The following REC114 variants were observed in gnomAD, a reference collection of about 807,000 sequenced individuals.
REC114 encodes the protein meiotic recombination protein REC114.
Under a neutral mutation model 31.3 loss-of-function variants are expected in REC114, and 27 were observed. That is an observed-to-expected ratio of 0.86 (90% CI 0.64 to 1.19). REC114 has a LOEUF of 1.19. Ranked by LOEUF, REC114 falls within the 50% of genes most tolerant of loss-of-function variation. The probability of loss-of-function intolerance (pLI) is 0.00; values close to 1 mark genes in which losing one functional copy is unlikely to be tolerated. For missense variants in REC114, 344 were observed against 326.9 expected, an observed-to-expected ratio of 1.05 and a Z score of -0.40; for synonymous variants, 134 against 127.7, an observed-to-expected ratio of 1.05 and a Z score of -0.33.
chr15:73,473,889 C>T lies in REC114; in HGVS notation c.217C>T (p.His73Tyr). 4 of 1,585,472 alleles carry T rather than the reference C, an allele frequency of 2.5e-6. No homozygotes were observed. Among genetic ancestry groups the T allele is most frequent in the Non-Finnish European group, 3.4e-6 (4 of 1,163,016 alleles). The change falls in exon 2 of 6, where the codon CAT becomes TAT. Residue 73 changes from histidine to tyrosine, a missense_variant. Physicochemically the swap from His to Tyr is moderately conservative, Grantham distance 83. Transcript: ENST00000331090. Reference sequence around the variant, plus strand: ...TGTTCTCACCATAGTTATATCAGGTCATTTCTTCATTTTCCAAGGACAGAC... The same window carrying T: ...TGTTCTCACCATAGTTATATCAGGTTATTTCTTCATTTTCCAAGGACAGAC... The part of the protein sequence containing the change: ...YLVLTIVISG[H>Y]FFIFQGQTLL...
chr15:73,521,251 AAAC>A (rs1430358038), intron 2 of REC114, among the ~76,000 whole-genome samples: 2 of 152,214 alleles, frequency 1.3e-5, no homozygotes, highest in African/African-American at 4.8e-5. Context: ...AGATGAAACA[AAAC>A]AACAACTGAC....
intron 2 of REC114, among the ~76,000 whole-genome samples, chr15:73,515,143 G>A (rs1893840104): frequency 6.6e-6 from 1 of 151,990 alleles, no homozygotes; most frequent in African/African-American, 2.4e-5. Context: ...TGTTGCCCAG[G>A]CTAGTCTCAA....
intron 2 of REC114, among the ~76,000 whole-genome samples, chr15:73,509,591 T>C (rs1219085636): frequency 6.8e-6 from 1 of 146,346 alleles, no homozygotes; most frequent in East Asian, 2.0e-4. Context: ...CGTTTAAATC[T>C]TTAATCCATC....
intron 1 of REC114, among the ~76,000 whole-genome samples, chr15:73,448,988 A>G (rs1249313952): frequency 6.6e-6 from 1 of 152,166 alleles, no homozygotes; most frequent in African/African-American, 2.4e-5. Context: ...ACCCCACCCA[A>G]AGGTCACCAA....
At chr15:73,490,110 A>T (rs1893424057) in intron 2 of REC114, among the ~76,000 whole-genome samples, 2 of 152,196 alleles carry the variant, frequency 1.3e-5, no homozygotes, top group Admixed American at 1.3e-4. Context: ...AAAGAATTTC[A>T]CTAATAGCTT....
At chr15:73,479,888 C>T (rs925846636) in intron 2 of REC114, among the ~76,000 whole-genome samples, 4 of 152,134 alleles carry the variant, frequency 2.6e-5, no homozygotes, top group African/African-American at 9.7e-5. Flanking sequence ...AATAATGCTG[C>T]AGTGAATGTG....
At chr15:73,554,033 TCATTAC>T (rs1475846625) in intron 4 of REC114, among the ~76,000 whole-genome samples, 1 of 152,166 alleles carries the variant, frequency 6.6e-6, no homozygotes, top group East Asian at 1.9e-4. Context: ...ACAAAATCCA[TCATTAC>T]TATTATTGCC....
intron 2 of REC114, among the ~76,000 whole-genome samples, chr15:73,516,659 C>T (rs541286444): frequency 1.3e-5 from 2 of 152,106 alleles, no homozygotes. Flanking sequence ...AATTTTTATA[C>T]TCTTGTTACC....
intron 1 of REC114, among the ~76,000 whole-genome samples, chr15:73,467,890 ATCT>A (rs1343538185): frequency 6.6e-6 from 1 of 150,582 alleles, no homozygotes; most frequent in Non-Finnish European, 1.5e-5. Context: ...AGGCTCAAGA[ATCT>A]TTTTTTTTTT....
At position 73,445,034 on chromosome 15, in the gene REC114, G is replaced by A. The variant is rs541484172; in HGVS notation, c.159+1690G>A. On this transcript the variant is annotated intron_variant, in intron 1 of 5. Coordinates refer to ENST00000331090, the MANE Select transcript of REC114 (RefSeq NM_001042367.2). ...CTCAACAGTGGGCTTAAAATATTCAGTAAACCATGCTATAAACAAATGTGC... is the reference window on the plus strand; with the variant it reads ...CTCAACAGTGGGCTTAAAATATTCAATAAACCATGCTATAAACAAATGTGC... Among the ~76,000 whole-genome samples, 3 of 152,270 alleles carry A rather than the reference G, an allele frequency of 2.0e-5. No individual in the cohort carries two copies. In the South Asian group the frequency reaches 6.2e-4, roughly 32 times the overall value.
intron 2 of REC114, among the ~76,000 whole-genome samples, chr15:73,537,116 C>T (rs539219049): frequency 1.3e-5 from 2 of 152,266 alleles, no homozygotes; most frequent in East Asian, 3.9e-4. Flanking sequence ...GCGAGCAAAA[C>T]GAACTTAGCC....
At chr15:73,467,493 C>T (rs1057001161) in intron 1 of REC114, among the ~76,000 whole-genome samples, 2 of 152,154 alleles carry the variant, frequency 1.3e-5, no homozygotes, top group African/African-American at 4.8e-5. Flanking sequence ...GTGTTTTGTT[C>T]AGTGATACTG....
intron 2 of REC114, among the ~76,000 whole-genome samples, chr15:73,516,645 A>G (rs1375533804): frequency 4.6e-5 from 7 of 151,976 alleles, no homozygotes; most frequent in Non-Finnish European, 1.5e-5. Context: ...ATAAAGCTAT[A>G]AATAATTTTT....
intron 2 of REC114, among the ~76,000 whole-genome samples, chr15:73,494,481 G>GGAAAAAAAAAAAAAAAAAAGAAA (rs1893488638): frequency 7.2e-6 from 1 of 138,748 alleles, no homozygotes. Flanking sequence ...GACAGAACAA[G>GGAAAAAAAAAAAAAAAAAAGAAA]ACCCTGTCTC....
At chr15:73,489,342 T>A (rs1893414516) in intron 2 of REC114, among the ~76,000 whole-genome samples, 1 of 151,994 alleles carries the variant, frequency 6.6e-6, no homozygotes, top group Non-Finnish European at 1.5e-5. Flanking sequence ...TGGCTGGGAT[T>A]ATAGGCAGGT....
Position 73,514,539 on chromosome 15 carries a change from T to C in REC114, c.250-25946T>C, listed in dbSNP as rs78978663. ...AAATCTGTCTTAAGATAATTTAAGATACAAAAAAAAGTATACATTTAAAAA... is the reference window on the plus strand; with the variant it reads ...AAATCTGTCTTAAGATAATTTAAGACACAAAAAAAAGTATACATTTAAAAA... On this transcript the variant is annotated intron_variant, in intron 2 of 5. Coordinates refer to ENST00000331090, the MANE Select transcript of REC114 (RefSeq NM_001042367.2). 7.2e-3 allele frequency among the ~76,000 whole-genome samples: 1,096 copies of C among 152,088 alleles called. 12 individuals carry two copies. Among genetic ancestry groups the C allele is most frequent in the African/African-American group, 0.025 (1,032 of 41,488 alleles).
intron 2 of REC114, among the ~76,000 whole-genome samples, chr15:73,536,673 CA>C (rs1210818375): frequency 6.6e-6 from 1 of 152,114 alleles, no homozygotes; most frequent in Non-Finnish European, 1.5e-5. Flanking sequence ...TTATGTATGG[CA>C]AGTGGTTAGA....
chr15:73,556,484 A>G lies in REC114; in HGVS notation c.636+93A>G, dbSNP rs147719303. The G allele has an allele frequency of 3.9e-6, 4 of 1,036,820 alleles. No homozygotes were observed. The East Asian group carries it at 1.0e-4, about 27-fold the overall frequency. The allele number at this position is 1,036,820 out of a possible 1,614,324, so 64.2% of individuals were successfully genotyped here. A position where few individuals can be genotyped will look rare whatever the true frequency, so the allele number is the denominator to read the frequency against. Reference sequence around the variant, plus strand: ...TTTGTTCAATTCTTTGTTTTAGGAGAGAAACTTCTAAAGCATTACTCTAAA... The same window carrying G: ...TTTGTTCAATTCTTTGTTTTAGGAGGGAAACTTCTAAAGCATTACTCTAAA... On this transcript the variant is annotated intron_variant, in intron 5 of 5. Coordinates refer to ENST00000331090, the MANE Select transcript of REC114 (RefSeq NM_001042367.2).
intron 2 of REC114, among the ~76,000 whole-genome samples, chr15:73,474,421 TAAG>T (rs1893180856): frequency 6.6e-6 from 1 of 151,904 alleles, no homozygotes; most frequent in South Asian, 2.1e-4. Context: ...GTAAAGAAAA[TAAG>T]AATCAACTTG....
Sources: gnomAD v4.1 joint callset for allele counts (sites outside exome capture counted in the v4.1 genomes callset) on GRCh38, gnomAD v4.1.1 for gene constraint, MANE v1.5 for transcripts, NCBI Gene and HGNC (gene_info 2026-07-23, HGNC 2026-07-21) for gene names.